The following CHLSN variants were observed in gnomAD, a reference collection of about 807,000 sequenced individuals.
The protein encoded by CHLSN is protein cholesin.
the CHLSN span, among the ~76,000 whole-genome samples, chr7:1,005,230 G>A: frequency 1.3e-5 from 2 of 152,240 alleles, no homozygotes; most frequent in Non-Finnish European, 2.9e-5. Flanking sequence ...AGCAGAGGTT[G>A]CAGTGAGCCG....
chr7:997,568 C>G, the CHLSN span: 2 of 1,394,628 alleles, frequency 1.4e-6, no homozygotes, highest in South Asian at 1.6e-5. Context: ...GAGCTGCACC[C>G]TGTGTGGTCT....
At chr7:1,071,970 G>A in the CHLSN span, among the ~76,000 whole-genome samples, 2 of 152,212 alleles carry the variant, frequency 1.3e-5, no homozygotes, top group Admixed American at 6.5e-5. Context: ...GGAGGCTGCA[G>A]GACAGAGCCA....
the CHLSN span, among the ~76,000 whole-genome samples, chr7:994,884 C>G: frequency 1.1e-4 from 16 of 152,364 alleles, no homozygotes; most frequent in Admixed American, 4.6e-4. Flanking sequence ...AAGAGAAAAG[C>G]ACGCATGCCC....
the CHLSN span, among the ~76,000 whole-genome samples, chr7:1,065,085 C>G: frequency 6.6e-6 from 1 of 152,178 alleles, no homozygotes. Flanking sequence ...CGATGAGGCC[C>G]TGGGCAGGAG....
the CHLSN span, among the ~76,000 whole-genome samples, chr7:1,052,619 G>T: frequency 9.9e-5 from 15 of 152,234 alleles, no homozygotes; most frequent in East Asian, 2.9e-3. This position sits in a 1 kb window ranked among gnomAD's most constrained non-coding sequence, Gnocchi z 4.2. Flanking sequence ...TGGTCAAGCT[G>T]GTGGTCTCTC....
At chr7:1,032,055 A>C in the CHLSN span, among the ~76,000 whole-genome samples, 1 of 152,038 alleles carries the variant, frequency 6.6e-6, no homozygotes, top group African/African-American at 2.4e-5. Flanking sequence ...TGAGTCATTC[A>C]AAAAAGACAT....
At chr7:1,084,527 TG>T in the CHLSN span, among the ~76,000 whole-genome samples, 1 of 152,192 alleles carries the variant, frequency 6.6e-6, no homozygotes, top group East Asian at 1.9e-4. Flanking sequence ...CTTGTGCCTA[TG>T]GGGGAGAAGC....
At chr7:1,080,172 C>T in the CHLSN span, among the ~76,000 whole-genome samples, 2 of 152,240 alleles carry the variant, frequency 1.3e-5, no homozygotes, top group African/African-American at 2.4e-5. Flanking sequence ...GCTAAATGTG[C>T]ACACACTGTA....
At chr7:984,768 G>A in the CHLSN span, among the ~76,000 whole-genome samples, 1 of 152,128 alleles carries the variant, frequency 6.6e-6, no homozygotes, top group East Asian at 1.9e-4. Flanking sequence ...ACCAGCAAGC[G>A]GGGTTCTTTT....
At chr7:1,101,283 C>G in the CHLSN span, among the ~76,000 whole-genome samples, 2 of 152,118 alleles carry the variant, frequency 1.3e-5, no homozygotes, top group African/African-American at 4.8e-5. Context: ...GCCAAAGGCA[C>G]GCAGAACAAA....
At chr7:1,002,961 G>T in the CHLSN span, among the ~76,000 whole-genome samples, 1 of 102,786 alleles carries the variant, frequency 9.7e-6, no homozygotes, top group South Asian at 3.9e-4. Context: ...AGTCCTGTGG[G>T]TGAGTGGAGT....
the CHLSN span, among the ~76,000 whole-genome samples, chr7:999,230 A>C: frequency 6.6e-6 from 1 of 152,260 alleles, no homozygotes. Flanking sequence ...GGTTAAAACA[A>C]AACAAAACGT....
chr7:1,126,186 C>T, the CHLSN span, among the ~76,000 whole-genome samples: 1 of 150,040 alleles, frequency 6.7e-6, no homozygotes, highest in Non-Finnish European at 1.5e-5. Flanking sequence ...TGGTGAAACC[C>T]CGTCTCTACT....
At chr7:1,010,057 CT>C in the CHLSN span, 1 of 1,612,320 alleles carries the variant, frequency 6.2e-7, no homozygotes. Flanking sequence ...TCTTCCGTTC[CT>C]TTTTCAGCTT....
At chr7:1,040,055 T>C in the CHLSN span, among the ~76,000 whole-genome samples, 2 of 136,914 alleles carry the variant, frequency 1.5e-5, no homozygotes, top group Admixed American at 7.4e-5. Context: ...CAGGGTCCTC[T>C]GCCTAGGAAA....
At chr7:1,023,019 C>A in the CHLSN span, 4 of 459,070 alleles carry the variant, frequency 8.7e-6, no homozygotes, top group Admixed American at 9.2e-5. This position sits in a 1 kb window ranked among gnomAD's most constrained non-coding sequence, Gnocchi z 5.0. Flanking sequence ...GGGAGAGCGG[C>A]CGCCCCGCCC....
the CHLSN span, chr7:1,086,881 A>C: frequency 6.6e-6 from 1 of 152,276 alleles, no homozygotes; most frequent in Non-Finnish European, 1.5e-5. Context: ...CAGAGGGAAA[A>C]CGACACCTAG....
chr7:1,107,896 G>C, the CHLSN span, among the ~76,000 whole-genome samples: 1 of 96,292 alleles, frequency 1.0e-5, no homozygotes, highest in Non-Finnish European at 2.3e-5. Context: ...CCCGCACCCC[G>C]GGAGGAAGCA....
chr7:988,832 C>A, the CHLSN span: 8 of 1,514,672 alleles, frequency 5.3e-6, no homozygotes, highest in Non-Finnish European at 7.1e-6. Context: ...GGAGCTCCCC[C>A]AGCCCCCAGG....
Sources: gnomAD v4.1 joint callset for allele counts (sites outside exome capture counted in the v4.1 genomes callset) on GRCh38, gnomAD v4.1.1 for gene constraint, Gnocchi (gnomAD v3.1) non-coding constraint, MANE v1.5 for transcripts, NCBI Gene and HGNC (gene_info 2026-07-23, HGNC 2026-07-21) for gene names.